The following MLLT10 variants were observed in gnomAD, a reference collection of about 807,000 sequenced individuals.
MLLT10 encodes the protein protein AF-10.
Under a neutral mutation model 129.1 loss-of-function variants are expected in MLLT10, and 30 were observed. The ratio of observed to expected loss-of-function variants is 0.23; its 90% CI spans 0.17 to 0.32. MLLT10 has a LOEUF of 0.32. Among genes scored for constraint, MLLT10 ranks in the 10% least tolerant of loss-of-function variants. MLLT10 has a pLI of 1.00. For synonymous variants in MLLT10, 490 were observed against 446.4 expected, an observed-to-expected ratio of 1.10 and a Z score of -1.23; for missense variants, 1,119 against 1,268.3, an observed-to-expected ratio of 0.88 and a Z score of 1.79.
chr10:21,575,690 T>C (rs1318554674), intron 3 of MLLT10, among the ~76,000 whole-genome samples: 2 of 152,196 alleles, frequency 1.3e-5, no homozygotes, highest in East Asian at 3.8e-4. Flanking sequence ...TTATTATTTT[T>C]ATTTGGTTTG....
At chr10:21,661,811 T>G (rs1367443728) in intron 9 of MLLT10, 1 of 152,190 alleles carries the variant, frequency 6.6e-6, no homozygotes, top group Non-Finnish European at 1.5e-5. Context: ...TAGTTGCTGC[T>G]TGGTTTTGGA....
At chr10:21,631,996 A>G (rs1037507010) in intron 8 of MLLT10, among the ~76,000 whole-genome samples, 12 of 150,956 alleles carry the variant, frequency 7.9e-5, no homozygotes, top group African/African-American at 2.9e-4. Context: ...AAAGAATGCT[A>G]ATACAGAATA....
At chr10:21,561,916 C>A (rs1180203414) in intron 3 of MLLT10, among the ~76,000 whole-genome samples, 2 of 151,526 alleles carry the variant, frequency 1.3e-5, no homozygotes, top group East Asian at 3.9e-4. Flanking sequence ...AGCAATTCTC[C>A]TGCCTCAGCC....
intron 3 of MLLT10, among the ~76,000 whole-genome samples, chr10:21,539,389 C>T (rs1368098960): frequency 6.7e-6 from 1 of 150,090 alleles, no homozygotes; most frequent in Non-Finnish European, 1.5e-5. Flanking sequence ...CATTCAGTCC[C>T]TTTGGCAAAC....
At chr10:21,626,679 C>G (rs1424534878) in intron 8 of MLLT10, among the ~76,000 whole-genome samples, 1 of 152,216 alleles carries the variant, frequency 6.6e-6, no homozygotes, top group Non-Finnish European at 1.5e-5. Context: ...GAGAGCTAGA[C>G]TACTTTCTTC....
At position 21,595,479 on chromosome 10, in the gene MLLT10, T is replaced by G. The variant is rs533488527; in HGVS notation, c.405+39T>G. 187 of 1,459,420 alleles carry G rather than the reference T, an allele frequency of 1.3e-4. No homozygotes were observed. The South Asian group carries it at 2.2e-3, about 17-fold the overall frequency. The allele number at this position is 1,459,420 out of a possible 1,614,324, so 90.4% of individuals were successfully genotyped here. ...TATTTTATTACTGTTTGAATATCAC[T>G]ACTGGGAAGTAGAAAGGAAGTTTTT... On this transcript the variant is annotated intron_variant, in intron 5 of 22. Coordinates refer to ENST00000307729, the MANE Select transcript of MLLT10 (RefSeq NM_001195626.3).
At chr10:21,693,989 G>A (rs1484540654) in intron 13 of MLLT10, among the ~76,000 whole-genome samples, 7 of 151,960 alleles carry the variant, frequency 4.6e-5, no homozygotes, top group Non-Finnish European at 1.0e-4. Context: ...TTGGTTTTCT[G>A]TTTTTCTTTT....
At chr10:21,719,631 G>A (rs150905975) in intron 14 of MLLT10, among the ~76,000 whole-genome samples, 15 of 152,254 alleles carry the variant, frequency 9.9e-5, no homozygotes, top group Admixed American at 2.6e-4. Context: ...AAAGTCCTGG[G>A]TTCCAGGAGT....
At chr10:21,738,949 G>T (rs1471773750) in intron 21 of MLLT10, among the ~76,000 whole-genome samples, 1 of 152,160 alleles carries the variant, frequency 6.6e-6, no homozygotes, top group Non-Finnish European at 1.5e-5. Flanking sequence ...TCAAGCTCCT[G>T]TAATGCAGCT....
chr10:21,621,164 T>TC (rs1487025289), intron 8 of MLLT10, among the ~76,000 whole-genome samples: 1 of 149,300 alleles, frequency 6.7e-6, no homozygotes, highest in East Asian at 2.0e-4. Context: ...TTTGTATTTT[T>TC]TTTTTTTTTT....
chr10:21,723,143 G>A (rs2057249376), intron 14 of MLLT10, among the ~76,000 whole-genome samples: 1 of 151,864 alleles, frequency 6.6e-6, no homozygotes, highest in South Asian at 2.1e-4. Context: ...TCCTTCTTTA[G>A]CATACGCTAA....
In MLLT10 at chr10:21,679,639, T is replaced by A. The variant is rs536940183; in HGVS notation, c.1622-1693T>A. On this transcript the variant is annotated intron_variant, in intron 11 of 22. Transcript: ENST00000307729. ...ACTCAAATTGCAAGGGGTTGATGGT[T>A]TAGCATTCACTTCCTTTCTTGGGGC... Among the ~76,000 whole-genome samples the A allele has an allele frequency of 1.5e-4, 23 of 152,310 alleles. No homozygotes were observed. In the South Asian group the frequency reaches 4.8e-3, roughly 32 times the overall value.
chr10:21,677,982 C>T (rs955663181), intron 11 of MLLT10, among the ~76,000 whole-genome samples: 2 of 152,158 alleles, frequency 1.3e-5, no homozygotes, highest in African/African-American at 2.4e-5. Context: ...GAATGAATAC[C>T]ATTAGTTGTC....
intron 8 of MLLT10, chr10:21,624,899 C>A: frequency 3.2e-6 from 4 of 1,266,420 alleles, no homozygotes; most frequent in Non-Finnish European, 4.4e-6. Flanking sequence ...AAGGTGCCCC[C>A]TTTTGTGAAT....
rs2037023433 is a variant in MLLT10, at chr10:21,551,450, A to G, written c.240+12538A>G. Among the ~76,000 whole-genome samples, 10 of 151,790 alleles carry G rather than the reference A, an allele frequency of 6.6e-5. No individual in the cohort carries two copies. In the South Asian group the frequency reaches 2.1e-3, roughly 32 times the overall value. The stretch of plus-strand genomic sequence containing the variant: ...GACTCATAATCTAGTATTTCATTTT[A>G]AATTCAGCATAATATCGTAAGTTCC... On this transcript the variant is annotated intron_variant, in intron 3 of 22. Transcript: ENST00000307729.
chr10:21,628,482 C>G (rs908404233), intron 8 of MLLT10, among the ~76,000 whole-genome samples: 11 of 139,300 alleles, frequency 7.9e-5, no homozygotes, highest in African/African-American at 1.1e-4. Context: ...GTCACCCAGG[C>G]TGGAGTACAG....
chr10:21,602,087 G>C (rs139767149), intron 5 of MLLT10, among the ~76,000 whole-genome samples: 16 of 152,270 alleles, frequency 1.1e-4, no homozygotes, highest in African/African-American at 3.4e-4. Flanking sequence ...AAATTTCCAG[G>C]AGAACAATTC....
chr10:21,735,433 G>A (rs1398096398), intron 21 of MLLT10, among the ~76,000 whole-genome samples, 198 bp downstream of exon 21: 1 of 152,246 alleles, frequency 6.6e-6, no homozygotes, highest in East Asian at 1.9e-4. Context: ...GACAGGGCAC[G>A]TGGCATGGTG....
chr10:21,730,293 C>A (rs1334748099), intron 16 of MLLT10, among the ~76,000 whole-genome samples: 1 of 131,318 alleles, frequency 7.6e-6, no homozygotes, highest in Non-Finnish European at 1.6e-5. Flanking sequence ...CGAAGTGAGA[C>A]CCTATCTCCA....
Sources: allele counts gnomAD v4.1 joint callset (sites outside exome capture counted in the v4.1 genomes callset), GRCh38; gene constraint gnomAD v4.1.1; transcripts MANE v1.5; gene names NCBI Gene and HGNC (gene_info 2026-07-23, HGNC 2026-07-21).